RORA: variants seen among roughly 807,000 people sequenced by gnomAD.
The protein encoded by RORA is nuclear receptor ROR-alpha.
Under a neutral mutation model 69.5 loss-of-function variants are expected in RORA, and 7 were observed. That is an observed-to-expected ratio of 0.10 (90% CI 0.06 to 0.19). The LOEUF is 0.19. RORA is among the 10% of genes least tolerant of loss of function. RORA has a pLI of 1.00. For missense variants in RORA, 457 were observed against 663.0 expected (o/e 0.69, Z 3.41); for synonymous variants, 261 against 240.8 (o/e 1.08, Z -0.78).
chr15:60,683,074 C>T (rs1230629261), intron 1 of RORA, among the ~76,000 whole-genome samples: 2 of 152,130 alleles, frequency 1.3e-5, no homozygotes, highest in Non-Finnish European at 2.9e-5. Context: ...GCAGCGGCAC[C>T]ATCATAGCTC....
intron 1 of RORA, among the ~76,000 whole-genome samples, chr15:60,807,515 A>T (rs1163485954): frequency 1.3e-5 from 2 of 152,158 alleles, no homozygotes; most frequent in African/African-American, 2.4e-5. Flanking sequence ...GCAAGCTACA[A>T]ATTCAATGCA....
chr15:61,024,454 T>TG (rs1895699691), intron 1 of RORA, among the ~76,000 whole-genome samples: 2 of 148,534 alleles, frequency 1.3e-5, no homozygotes, highest in South Asian at 2.2e-4. Flanking sequence ...CGGTAATGTT[T>TG]TTTTTTTTTT....
intron 1 of RORA, among the ~76,000 whole-genome samples, chr15:60,756,618 T>G (rs536302178): frequency 1.3e-5 from 2 of 152,342 alleles, no homozygotes; most frequent in Admixed American, 6.5e-5. Flanking sequence ...ATTTTTTGTA[T>G]AGATGTGTTT....
At chr15:61,144,511 A>C (rs2079328159) in intron 1 of RORA, among the ~76,000 whole-genome samples, 1 of 152,236 alleles carries the variant, frequency 6.6e-6, no homozygotes, top group South Asian at 2.1e-4. Context: ...CATGACTGTT[A>C]GTAGGAGGCA....
intron 1 of RORA, among the ~76,000 whole-genome samples, chr15:60,907,799 G>A (rs1415098139): frequency 6.6e-6 from 1 of 152,120 alleles, no homozygotes; most frequent in Non-Finnish European, 1.5e-5. Flanking sequence ...GTGTCATTTG[G>A]CAAGGCTGCC....
At position 60,904,146 on chromosome 15, in the gene RORA, CA is replaced by C. The variant is rs1275613747; in HGVS notation, c.167-225461del. 2.0e-5 allele frequency among the ~76,000 whole-genome samples: 3 copies of C among 152,228 alleles called. No homozygotes were observed. The East Asian group carries it at 5.8e-4, about 29-fold the overall frequency. Reference sequence around the variant, plus strand: ...CTATCGTAATATATTTGAAATAAGCCAATTATTATGCCATTTGAACATCTAT... The same window carrying C: ...CTATCGTAATATATTTGAAATAAGCCATTATTATGCCATTTGAACATCTAT... On this transcript the variant is annotated intron_variant, in intron 1 of 10. Transcript: ENST00000335670.
At chr15:61,054,572 T>C (rs749984001) in intron 1 of RORA, among the ~76,000 whole-genome samples, 2 of 152,214 alleles carry the variant, frequency 1.3e-5, no homozygotes, top group African/African-American at 2.4e-5. Context: ...CTCCAAGCAA[T>C]AATTAGCATC....
chr15:61,120,109 G>A (rs1298634722), intron 1 of RORA, among the ~76,000 whole-genome samples: 2 of 152,152 alleles, frequency 1.3e-5, no homozygotes, highest in African/African-American at 2.4e-5. Flanking sequence ...CTCAGCCCTG[G>A]CTGCCCATTA....
At chr15:60,532,566 T>C (rs1367237222) in intron 2 of RORA, among the ~76,000 whole-genome samples, 1 of 152,194 alleles carries the variant, frequency 6.6e-6, no homozygotes, top group Non-Finnish European at 1.5e-5. Context: ...TGCCTCATGC[T>C]GGAAGACCCG....
At chr15:61,140,543 G>A (rs2079288112) in intron 1 of RORA, among the ~76,000 whole-genome samples, 1 of 152,150 alleles carries the variant, frequency 6.6e-6, no homozygotes, top group Admixed American at 6.5e-5. Flanking sequence ...AATGGAACCA[G>A]GGAAGATACG....
Position 61,208,474 on chromosome 15 carries a change from T to C in RORA, c.166+20579A>G, listed in dbSNP as rs186207979. ...ATGGAAATGTTGAACTAGACTGTGG[T>C]GGTGGTTGTACAACTCTATAAATTT... On this transcript the variant is annotated intron_variant, in intron 1 of 10. Transcript: ENST00000335670. Among the ~76,000 whole-genome samples, 638 of 152,314 alleles carry C rather than the reference T, an allele frequency of 4.2e-3. 6 individuals carry two copies. Among genetic ancestry groups the C allele is most frequent in the African/African-American group, 0.015 (619 of 41,566 alleles).
chr15:61,209,847 T>G (rs548187673), intron 1 of RORA, among the ~76,000 whole-genome samples: 2 of 152,382 alleles, frequency 1.3e-5, no homozygotes, highest in East Asian at 3.9e-4. Flanking sequence ...TCCCTAAATC[T>G]GCATTTTGCA....
rs1263916642 is a variant in RORA, at chr15:60,490,229, T to C, written c.*7226A>G. 1 of 151,680 alleles carries C rather than the reference T, an allele frequency of 6.6e-6. No homozygotes were observed. The highest frequency in any genetic ancestry group is 2.4e-5 in the African/African-American group (1 of 41,354). 9.4% of individuals were successfully genotyped at this position (151,680 alleles called of 1,614,324 possible). ...TGAAATTAACAAGACCCAAAGGTGGTATTGTCTAGGAATAAAAGGGATAAT... is the reference window on the plus strand; with the variant it reads ...TGAAATTAACAAGACCCAAAGGTGGCATTGTCTAGGAATAAAAGGGATAAT... On this transcript the variant is annotated 3_prime_UTR_variant, in exon 11 of 11. Coordinates refer to ENST00000335670, the MANE Select transcript of RORA (RefSeq NM_134261.3). This position sits in a 1 kb window ranked among gnomAD's most constrained non-coding sequence, Gnocchi z 4.1.
At chr15:60,922,704 C>A (rs764101783) in intron 1 of RORA, among the ~76,000 whole-genome samples, 15 of 152,204 alleles carry the variant, frequency 9.9e-5, no homozygotes, top group Non-Finnish European at 1.9e-4. Flanking sequence ...ACTTTGGCCA[C>A]CAATCACATA....
chr15:61,186,912 G>A (rs894218765), intron 1 of RORA, among the ~76,000 whole-genome samples: 1 of 152,204 alleles, frequency 6.6e-6, no homozygotes, highest in African/African-American at 2.4e-5. Context: ...AAAAAGTTCA[G>A]AGCCCTCTGT....
rs547351188 is a variant in RORA, at chr15:60,859,678, G to A, written c.167-180992C>T. ...TTCTTTTTTTTTTTTTTTTAGAGAT[G>A]GGGGTCTCACTTTCTTGTCTAGGCT... On this transcript the variant is annotated intron_variant, in intron 1 of 10. Coordinates refer to ENST00000335670, the MANE Select transcript of RORA (RefSeq NM_134261.3). Among the ~76,000 whole-genome samples the A allele has an allele frequency of 5.7e-5, 7 of 122,766 alleles. No homozygotes were observed. The East Asian group carries it at 1.3e-3, about 22-fold the overall frequency. 80.5% of individuals were successfully genotyped at this position (122,766 alleles called of 152,430 possible). A position where few individuals can be genotyped will look rare whatever the true frequency, so the allele number is the denominator to read the frequency against.
intron 1 of RORA, among the ~76,000 whole-genome samples, chr15:60,897,277 A>T (rs1339456292): frequency 6.6e-6 from 1 of 152,182 alleles, no homozygotes; most frequent in Non-Finnish European, 1.5e-5. Context: ...GTTCTGCCCT[A>T]ACTTATTACA....
At chr15:60,667,531 C>T (rs1191011468) in intron 2 of RORA, among the ~76,000 whole-genome samples, 2 of 152,124 alleles carry the variant, frequency 1.3e-5, no homozygotes, top group Admixed American at 6.5e-5. Context: ...AATAAAAAAC[C>T]GATTTTTCTC....
At chr15:61,221,899 G>A (rs984656891) in intron 1 of RORA, among the ~76,000 whole-genome samples, 1 of 151,048 alleles carries the variant, frequency 6.6e-6, no homozygotes, top group Non-Finnish European at 1.5e-5. Flanking sequence ...GTACATGCCT[G>A]TAGTCTCAGT....
Sources: gnomAD v4.1 joint callset for allele counts (sites outside exome capture counted in the v4.1 genomes callset) on GRCh38, gnomAD v4.1.1 for gene constraint, Gnocchi (gnomAD v3.1) non-coding constraint, MANE v1.5 for transcripts, NCBI Gene and HGNC (gene_info 2026-07-23, HGNC 2026-07-21) for gene names.